Variants in LHFPL3 observed in about 807,000 individuals in gnomAD.
LHFPL3 encodes the protein LHFPL tetraspan subfamily member 3 protein.
A neutral mutation model predicts 19.3 loss-of-function variants in LHFPL3; 5 were observed. That is an observed-to-expected ratio of 0.26 (90% CI 0.14 to 0.54). The LOEUF is 0.54. Ranked by LOEUF, LHFPL3 falls within the 20% of genes least tolerant of loss-of-function variation. The probability of loss-of-function intolerance (pLI) is 0.94; values close to 1 mark genes in which losing one functional copy is unlikely to be tolerated. For synonymous variants in LHFPL3, 133 were observed against 126.2 expected, an observed-to-expected ratio of 1.05 and a Z score of -0.36; for missense variants, 249 against 307.4, an observed-to-expected ratio of 0.81 and a Z score of 1.42.
intron 1 of LHFPL3, among the ~76,000 whole-genome samples, chr7:104,561,725 A>T (rs1175596044): frequency 6.6e-6 from 1 of 152,014 alleles, no homozygotes; most frequent in East Asian, 1.9e-4. Flanking sequence ...TCCTGTCATT[A>T]TGATGTTAGC....
At chr7:104,884,044 T>C (rs1453806250) in intron 2 of LHFPL3, among the ~76,000 whole-genome samples, 3 of 151,288 alleles carry the variant, frequency 2.0e-5, no homozygotes, top group Non-Finnish European at 2.9e-5. Context: ...CTCGTAAAAC[T>C]TTTACAGCCT....
intron 1 of LHFPL3, among the ~76,000 whole-genome samples, chr7:104,697,369 A>G (rs906253530): frequency 4.3e-4 from 65 of 152,236 alleles, no homozygotes; most frequent in African/African-American, 1.5e-3. Context: ...CCTGCAATCT[A>G]TTTTAAATTG....
chr7:104,371,351 A>G (rs530859642), intron 1 of LHFPL3, among the ~76,000 whole-genome samples: 1 of 152,330 alleles, frequency 6.6e-6, no homozygotes, highest in African/African-American at 2.4e-5. Flanking sequence ...AGTGTTACCC[A>G]TGAAAAGTGT....
At chr7:104,770,299 C>G (rs181975976) in intron 2 of LHFPL3, among the ~76,000 whole-genome samples, 1 of 152,218 alleles carries the variant, frequency 6.6e-6, no homozygotes, top group East Asian at 1.9e-4. Flanking sequence ...TTCTGAGGCT[C>G]TAAGAGGCTG....
At chr7:104,484,442 G>A (rs77510751) in intron 1 of LHFPL3, among the ~76,000 whole-genome samples, 3,087 of 152,216 alleles carry the variant, frequency 0.02, 111 homozygotes, top group African/African-American at 0.069. Context: ...GAGGGGGCCC[G>A]GGAGAAGGTC....
chr7:104,669,380 C>T, intron 1 of LHFPL3: 2 of 1,613,254 alleles, frequency 1.2e-6, no homozygotes, highest in Non-Finnish European at 1.7e-6. Context: ...AGCCGTGGTC[C>T]AGGAGACTGA....
intron 1 of LHFPL3, among the ~76,000 whole-genome samples, chr7:104,635,495 CATT>C (rs1472874566): frequency 6.6e-6 from 1 of 151,986 alleles, no homozygotes; most frequent in Non-Finnish European, 1.5e-5. Context: ...TCAACAGAAA[CATT>C]AAAATCTGGA....
intron 1 of LHFPL3, among the ~76,000 whole-genome samples, chr7:104,506,018 ATTTTT>A (rs35956092): frequency 6.9e-6 from 1 of 145,972 alleles, no homozygotes; most frequent in Non-Finnish European, 1.5e-5. Context: ...ATGAAAACTG[ATTTTT>A]TTTTTTTTTC....
chr7:104,506,268 C>T (rs191901351), intron 1 of LHFPL3, among the ~76,000 whole-genome samples: 9 of 152,154 alleles, frequency 5.9e-5, no homozygotes, highest in African/African-American at 1.9e-4. Context: ...ACCCCACCGC[C>T]GCAATACCTC....
chr7:104,808,369 GGA>G (rs1790405813), intron 2 of LHFPL3, among the ~76,000 whole-genome samples: 1 of 152,198 alleles, frequency 6.6e-6, no homozygotes, highest in African/African-American at 2.4e-5. Context: ...ATTGGTGGCT[GGA>G]GAGACTACAT....
At chr7:104,469,093 G>A (rs1237761799) in intron 1 of LHFPL3, among the ~76,000 whole-genome samples, 1 of 152,156 alleles carries the variant, frequency 6.6e-6, no homozygotes, top group Non-Finnish European at 1.5e-5. Context: ...TTGCCCAGTG[G>A]ACATATGGAT....
At chr7:104,895,503 G>A (rs1792338236) in intron 2 of LHFPL3, 1 of 152,274 alleles carries the variant, frequency 6.6e-6, no homozygotes, top group Admixed American at 6.5e-5. Flanking sequence ...TAGAGCAATA[G>A]CTTTCAAACT....
chr7:104,633,089 T>C (rs1226737301), intron 1 of LHFPL3, among the ~76,000 whole-genome samples: 1 of 152,170 alleles, frequency 6.6e-6, no homozygotes, highest in Non-Finnish European at 1.5e-5. Flanking sequence ...TGACAGTTGA[T>C]GATGAGGAAG....
intron 1 of LHFPL3, among the ~76,000 whole-genome samples, chr7:104,404,858 C>T (rs1791385204): frequency 6.6e-6 from 1 of 152,136 alleles, no homozygotes; most frequent in African/African-American, 2.4e-5. Flanking sequence ...GTCTTGATTT[C>T]ATATGATTGT....
intron 1 of LHFPL3, among the ~76,000 whole-genome samples, chr7:104,457,165 A>G (rs989956775): frequency 1.3e-5 from 2 of 152,042 alleles, no homozygotes; most frequent in Non-Finnish European, 2.9e-5. Context: ...CATGTGCACA[A>G]TGTGCAGGTT....
At chr7:104,837,379 C>G (rs1791116972) in intron 2 of LHFPL3, among the ~76,000 whole-genome samples, 1 of 152,172 alleles carries the variant, frequency 6.6e-6, no homozygotes, top group African/African-American at 2.4e-5. Flanking sequence ...AACCAGCCAT[C>G]TGCAATGAGG....
At chr7:104,832,372 CTTAT>C (rs1486748932) in intron 2 of LHFPL3, among the ~76,000 whole-genome samples, 1 of 151,892 alleles carries the variant, frequency 6.6e-6, no homozygotes, top group African/African-American at 2.4e-5. Context: ...TTCAGTGGCT[CTTAT>C]TTATACGGTT....
intron 1 of LHFPL3, among the ~76,000 whole-genome samples, chr7:104,693,543 C>T (rs991799221): frequency 3.3e-5 from 5 of 152,164 alleles, no homozygotes; most frequent in Admixed American, 2.0e-4. Flanking sequence ...GTCCTCACAA[C>T]ATCCGATGGT....
chr7:104,452,493 T>C (rs1246819947), intron 1 of LHFPL3, among the ~76,000 whole-genome samples: 1 of 152,214 alleles, frequency 6.6e-6, no homozygotes, highest in Non-Finnish European at 1.5e-5. Context: ...TTATATTTTT[T>C]ATTGCTAAAA....
Sources: gnomAD v4.1 joint callset for allele counts (sites outside exome capture counted in the v4.1 genomes callset) on GRCh38, gnomAD v4.1.1 for gene constraint, MANE v1.5 for transcripts, NCBI Gene and HGNC (gene_info 2026-07-23, HGNC 2026-07-21) for gene names.